TTC27: variants seen among roughly 807,000 people sequenced by gnomAD.
TTC27 encodes tetratricopeptide repeat protein 27.
A neutral mutation model predicts 115.9 loss-of-function variants in TTC27; 79 were observed. The observed-to-expected ratio is 0.68, with a 90% CI of 0.57 to 0.82. TTC27 has a LOEUF of 0.82. TTC27 is among the 40% of genes least tolerant of loss of function. The pLI is 0.00. For synonymous variants in TTC27, 401 were observed against 356.0 expected (o/e 1.13, Z -1.42); for missense variants, 1,054 against 993.1 (o/e 1.06, Z -0.82).
chr2:32,650,353 CTTTTTTTTT>C (rs368973893), intron 5 of TTC27, 120 bp downstream of exon 5: 117 of 210,998 alleles, frequency 5.5e-4, no homozygotes, highest in Middle Eastern at 1.5e-3. Flanking sequence ...TGAGTTGTTT[CTTTTTTTTT>C]TTTTTTTTTT....
At chr2:32,676,049 C>G (rs1488881710) in intron 8 of TTC27, among the ~76,000 whole-genome samples, 1 of 152,104 alleles carries the variant, frequency 6.6e-6, no homozygotes, top group African/African-American at 2.4e-5. Flanking sequence ...GCCTCAGCCT[C>G]CCAAAGTGCT....
chr2:32,799,038 T>C (rs759302293), intron 16 of TTC27, among the ~76,000 whole-genome samples: 81 of 152,314 alleles, frequency 5.3e-4, no homozygotes, highest in Admixed American at 2.0e-3. Context: ...GTACATACAA[T>C]GGAATATTAG....
At chr2:32,695,540 G>A (rs1666954217) in intron 9 of TTC27, among the ~76,000 whole-genome samples, 1 of 151,920 alleles carries the variant, frequency 6.6e-6, no homozygotes, top group Admixed American at 6.6e-5. Flanking sequence ...CCAATATGGT[G>A]AAACCCCATC....
At chr2:32,758,010 C>G (rs1478654291) in intron 12 of TTC27, among the ~76,000 whole-genome samples, 1 of 152,158 alleles carries the variant, frequency 6.6e-6, no homozygotes, top group Admixed American at 6.5e-5. Flanking sequence ...CGAAAAACAA[C>G]TTTTATGTGT....
intron 16 of TTC27, among the ~76,000 whole-genome samples, chr2:32,798,714 A>AAAAAAT (rs1181544547): frequency 9.2e-6 from 1 of 108,192 alleles, no homozygotes; most frequent in African/African-American, 4.2e-5. Flanking sequence ...CAAAAAAAAA[A>AAAAAAT]ATAATAATAA....
At chr2:32,691,211 G>A (rs942553848) in intron 9 of TTC27, among the ~76,000 whole-genome samples, 2 of 152,152 alleles carry the variant, frequency 1.3e-5, no homozygotes, top group African/African-American at 4.8e-5. Context: ...TCTGGGGCAT[G>A]AGGGAAATGC....
chr2:32,698,040 A>G (rs1302591153), intron 9 of TTC27, among the ~76,000 whole-genome samples: 1 of 152,080 alleles, frequency 6.6e-6, no homozygotes, highest in Non-Finnish European at 1.5e-5. Flanking sequence ...GGCCAGTAAT[A>G]ATTAATCTTA....
chr2:32,628,759 T>C (rs934081224), intron 1 of TTC27, among the ~76,000 whole-genome samples: 1 of 151,362 alleles, frequency 6.6e-6, no homozygotes, highest in African/African-American at 2.4e-5. Flanking sequence ...ATTTATTTAT[T>C]TATTTATTTA....
At chr2:32,676,909 C>T (rs1467372739) in intron 8 of TTC27, among the ~76,000 whole-genome samples, 2 of 150,276 alleles carry the variant, frequency 1.3e-5, no homozygotes, top group African/African-American at 4.9e-5. Flanking sequence ...ATATATATTC[C>T]ATATATATTA....
At chr2:32,696,666 C>A (rs1415463574) in intron 9 of TTC27, among the ~76,000 whole-genome samples, 3 of 152,188 alleles carry the variant, frequency 2.0e-5, no homozygotes, top group Admixed American at 2.0e-4. Flanking sequence ...GTGTATAATG[C>A]TGCCATGAAT....
At chr2:32,671,819 T>C (rs1666025839) in intron 7 of TTC27, among the ~76,000 whole-genome samples, 1 of 152,198 alleles carries the variant, frequency 6.6e-6, no homozygotes, top group Non-Finnish European at 1.5e-5. Context: ...TTGATTAGAA[T>C]TTAGAGGCAG....
chr2:32,752,846 G>A (rs976249702), intron 12 of TTC27, among the ~76,000 whole-genome samples: 1 of 152,142 alleles, frequency 6.6e-6, no homozygotes, highest in East Asian at 1.9e-4. Flanking sequence ...CATAATCAGT[G>A]CCCTCTTCTG....
At chr2:32,775,414 G>A (rs1398375016) in intron 13 of TTC27, among the ~76,000 whole-genome samples, 1 of 152,114 alleles carries the variant, frequency 6.6e-6, no homozygotes, top group Non-Finnish European at 1.5e-5. Flanking sequence ...TAGCCAGGAT[G>A]GTCTCGATCT....
At chr2:32,671,558 T>G (rs1265365417) in intron 7 of TTC27, among the ~76,000 whole-genome samples, 2 of 152,250 alleles carry the variant, frequency 1.3e-5, no homozygotes, top group Non-Finnish European at 2.9e-5. Flanking sequence ...TCCATTCACT[T>G]TATATGTCTG....
intron 4 of TTC27, among the ~76,000 whole-genome samples, chr2:32,646,795 C>G (rs958349708): frequency 3.3e-5 from 5 of 151,448 alleles, no homozygotes; most frequent in Non-Finnish European, 7.4e-5. Context: ...GATCTCCTGA[C>G]CTTGTGATCC....
At chr2:32,771,713 G>T (rs1669835674) in intron 13 of TTC27, among the ~76,000 whole-genome samples, 3 of 152,130 alleles carry the variant, frequency 2.0e-5, no homozygotes, top group Admixed American at 2.0e-4. Flanking sequence ...AGTTGGCAGT[G>T]CACATGAGGA....
chr2:32,701,664 G>C (rs1475736202), intron 9 of TTC27, among the ~76,000 whole-genome samples: 1 of 152,126 alleles, frequency 6.6e-6, no homozygotes, highest in Non-Finnish European at 1.5e-5. Context: ...TAGGCTGAAG[G>C]ACTTCTTGCT....
chr2:32,737,720 C>T (rs1055900134), intron 12 of TTC27, among the ~76,000 whole-genome samples: 3 of 151,990 alleles, frequency 2.0e-5, no homozygotes, highest in African/African-American at 4.8e-5. Flanking sequence ...GGAAGATTAT[C>T]GACTGGGCAT....
intron 8 of TTC27, among the ~76,000 whole-genome samples, chr2:32,678,011 C>T (rs1008039734): frequency 1.4e-4 from 21 of 152,278 alleles, no homozygotes; most frequent in Admixed American, 1.2e-3. Context: ...AATCCAAACA[C>T]ATTGGGAATC....
Sources: allele counts gnomAD v4.1 joint callset (sites outside exome capture counted in the v4.1 genomes callset), GRCh38; gene constraint gnomAD v4.1.1; transcripts MANE v1.5; gene names NCBI Gene and HGNC (gene_info 2026-07-23, HGNC 2026-07-21).